The following HEXA variants were observed in gnomAD, a reference collection of about 807,000 sequenced individuals.
HEXA encodes hexosaminidase subunit alpha, also known as beta-hexosaminidase subunit alpha.
HEXA carries 54 observed loss-of-function variants against 73.3 expected under a neutral mutation model. The observed-to-expected ratio is 0.74, with a 90% CI of 0.59 to 0.92. The LOEUF (loss-of-function observed/expected upper bound fraction) is 0.92. Ranked by LOEUF, HEXA falls within the 40% of genes least tolerant of loss-of-function variation. The pLI is 0.00. For missense variants in HEXA, 649 were observed against 653.0 expected, an observed-to-expected ratio of 0.99 and a Z score of 0.07; for synonymous variants, 230 against 246.9, an observed-to-expected ratio of 0.93 and a Z score of 0.64.
chr15:72,344,247 A>C, intron 13 of HEXA, 107 bp from the exon 14 acceptor site: 3 of 776,462 alleles, frequency 3.9e-6, no homozygotes, highest in South Asian at 1.4e-5. Context: ...GGTGACTCTC[A>C]AACTGTCACT....
At chr15:72,357,724 T>C (rs1486716125) in intron 1 of HEXA, 1 of 152,042 alleles carries the variant, frequency 6.6e-6, no homozygotes, top group East Asian at 1.9e-4. Flanking sequence ...ATGTTACCCA[T>C]CTCCAGGCAG....
At chr15:72,366,841 A>G (rs964077025) in intron 1 of HEXA, among the ~76,000 whole-genome samples, 28 of 152,262 alleles carry the variant, frequency 1.8e-4, no homozygotes, top group Non-Finnish European at 2.6e-4. Flanking sequence ...CTAGTACTAC[A>G]TAGCTAACTG....
chr15:72,345,347 G>A, intron 13 of HEXA, 99 bp downstream of exon 13: 13 of 1,564,356 alleles, frequency 8.3e-6, no homozygotes, highest in South Asian at 2.3e-5. Context: ...GCCTCTGTAA[G>A]TGTTAGCTAT....
chr15:72,346,574 C>A lies in HEXA; in HGVS notation c.1283G>T (p.Gly428Val). 6.2e-7 allele frequency: 1 copy of A among 1,614,042 alleles called. No individual in the cohort carries two copies. The highest frequency in any genetic ancestry group is 8.5e-7 in the Non-Finnish European group (1 of 1,179,978). ...APWYLNRISY[G>V]PDWKDFYIVE... ...TATGTAGAAATCCTTCCAGTCAGGG[C>A]CATAGGATATACGGTTCAGGTACCA... Residue 428 changes from glycine to valine, a missense_variant, in exon 11 of 14, where the codon GGC becomes GTC. Coordinates refer to ENST00000268097, the MANE Select transcript of HEXA (RefSeq NM_000520.6).
intron 13 of HEXA, among the ~76,000 whole-genome samples, chr15:72,344,463 A>G (rs2088584939): frequency 1.3e-5 from 2 of 152,148 alleles, no homozygotes; most frequent in Admixed American, 6.5e-5. Flanking sequence ...TAGAATATAG[A>G]TGGATGTCTG....
chr15:72,351,218 T>A lies in HEXA; in HGVS notation c.587A>T (p.Asn196Ile). ...ATGCCAGTGGAACACGTTCAATTTA[T>A]TGTACGCCATGACATCCTGTAGGTT... is the stretch of plus-strand genomic sequence containing the variant. ...ILDTLDVMAY[N>I]KLNVFHWHLV... Residue 196 changes from asparagine (N) to isoleucine (I), a missense_variant, in exon 6 of 14, where the codon AAT (asparagine) becomes ATT (isoleucine). By Grantham distance (149) the Asn-to-Ile change is moderately radical (BLOSUM62 -3). Coordinates refer to ENST00000268097, the MANE Select transcript of HEXA (RefSeq NM_000520.6). The A allele has an allele frequency of 6.2e-7, 1 of 1,609,824 alleles. No individual in the cohort carries two copies. The highest frequency in any genetic ancestry group is 8.5e-7 in the Non-Finnish European group (1 of 1,176,076).
chr15:72,370,561 C>T (rs561981713), intron 1 of HEXA: 40 of 397,956 alleles, frequency 1.0e-4, no homozygotes, highest in Non-Finnish European at 1.5e-4. Flanking sequence ...TAGCTGGGTG[C>T]GGTGGCATGC....
intron 8 of HEXA, among the ~76,000 whole-genome samples, chr15:72,348,407 C>A (rs1349579904): frequency 6.6e-6 from 1 of 152,210 alleles, no homozygotes; most frequent in South Asian, 2.1e-4. Flanking sequence ...CTCTGGACTG[C>A]AACATGAGAA....
In HEXA at chr15:72,346,656, T is replaced by C; in HGVS notation, c.1201A>G (p.Met401Val). 1.2e-6 allele frequency: 2 copies of C among 1,614,122 alleles called. No individual in the cohort carries two copies. The highest frequency in any genetic ancestry group is 1.7e-6 in the Non-Finnish European group (2 of 1,180,010). ...VWREDIPVNY[M>V]KELELVTKAG... ...TTGGTGACCAGTTCCAGCTCCTTCATATAGTTCACTGGAATATCCTCTCGC... is the reference window on the plus strand; with the variant it reads ...TTGGTGACCAGTTCCAGCTCCTTCACATAGTTCACTGGAATATCCTCTCGC... The change falls in exon 11 of 14, where the codon ATG (methionine) becomes GTG (valine). Residue 401 changes from methionine (M) to valine (V), a missense_variant. Met to Val is a conservative substitution (Grantham distance 21). Transcript: ENST00000268097.
chr15:72,363,793 T>C (rs1449740053), intron 1 of HEXA, among the ~76,000 whole-genome samples: 1 of 152,018 alleles, frequency 6.6e-6, no homozygotes, highest in Non-Finnish European at 1.5e-5. Context: ...AGTTAAAAAT[T>C]TTCTATTTTC....
chr15:72,350,450 C>A (rs1312046912), intron 7 of HEXA, 68 bp downstream of exon 7: 9 of 1,534,694 alleles, frequency 5.9e-6, no homozygotes, highest in African/African-American at 1.4e-5. Context: ...CTTCCATGAG[C>A]CAGTGCCCTG....
In HEXA at chr15:72,350,434, A is replaced by T. The variant is rs771381711; in HGVS notation, c.805+84T>A. The T allele has an allele frequency of 3.2e-5, 45 of 1,415,232 alleles. 1 individual carries two copies. Among genetic ancestry groups the T allele is most frequent in the Non-Finnish European group, 4.5e-5 (45 of 1,000,536 alleles). 87.7% of individuals were successfully genotyped at this position (1,415,232 alleles called of 1,614,324 possible). On this transcript the variant is annotated intron_variant, in intron 7 of 13. Transcript: ENST00000268097. ...TTCTTCTAAGGACCAAGGCTGGGAT[A>T]TGCCACTTCCATGAGCCAGTGCCCT...
At chr15:72,345,966 C>T in intron 12 of HEXA, 3 of 556,656 alleles carry the variant, frequency 5.4e-6, no homozygotes, top group South Asian at 4.1e-5. Flanking sequence ...AGCAACTCAC[C>T]TATGTTCTCC....
chr15:72,345,307 G>T, intron 13 of HEXA, 139 bp downstream of exon 13: 1 of 1,500,010 alleles, frequency 6.7e-7, no homozygotes, highest in Non-Finnish European at 8.9e-7. Context: ...ATCGCAGTTG[G>T]TTGAATCCGT....
chr15:72,372,060 C>A (rs1365903863), intron 1 of HEXA, among the ~76,000 whole-genome samples: 9 of 152,070 alleles, frequency 5.9e-5, no homozygotes, highest in South Asian at 2.1e-4. Flanking sequence ...AAGAAGAATG[C>A]AGTCATGGCC....
intron 1 of HEXA, among the ~76,000 whole-genome samples, chr15:72,374,743 T>G (rs1425029957): frequency 6.6e-6 from 1 of 152,240 alleles, no homozygotes; most frequent in East Asian, 1.9e-4. Context: ...CAATTTTCAG[T>G]ACTGATTACA....
chr15:72,346,104 T>C (rs1045325908), intron 12 of HEXA, 131 bp downstream of exon 12: 11 of 707,588 alleles, frequency 1.6e-5, no homozygotes, highest in African/African-American at 8.9e-5. Context: ...AGAAGGCTCG[T>C]TGCACGGCCT....
chr15:72,370,697 T>TAAAAAAAAAAAAAC, intron 1 of HEXA: 2 of 338,634 alleles, frequency 5.9e-6, no homozygotes, highest in Middle Eastern at 7.4e-4. Flanking sequence ...ACCTGTTTCT[T>TAAAAAAAAAAAAAC]AAAAAAAAAA....
At position 72,345,205 on chromosome 15, in the gene HEXA, A is replaced by G. The variant is rs1293238736; in HGVS notation, c.1526+241T>C. The G allele has an allele frequency of 2.3e-5, 14 of 606,814 alleles. No homozygotes were observed. The East Asian group carries it at 3.9e-4, about 17-fold the overall frequency. The allele number at this position is 606,814 out of a possible 1,614,324, so 37.6% of individuals were successfully genotyped here. ...AAATGATCTTAGATTACTTATACCT[A>G]ATACAATATAAATGCTATGTAAATA... On this transcript the variant is annotated intron_variant, in intron 13 of 13. Coordinates refer to ENST00000268097, the MANE Select transcript of HEXA (RefSeq NM_000520.6).
Sources: allele counts gnomAD v4.1 joint callset (sites outside exome capture counted in the v4.1 genomes callset), GRCh38; gene constraint gnomAD v4.1.1; transcripts MANE v1.5; gene names NCBI Gene and HGNC (gene_info 2026-07-23, HGNC 2026-07-21).